The following PLOD2 variants were observed in gnomAD, a reference collection of about 807,000 sequenced individuals.
The protein encoded by PLOD2 is lysine hydroxylase 2.
Under a neutral mutation model 101.0 loss-of-function variants are expected in PLOD2, and 65 were observed. The ratio of observed to expected loss-of-function variants is 0.64; its 90% confidence interval spans 0.53 to 0.79. The LOEUF is 0.79. Among genes scored for constraint, PLOD2 ranks in the 30% least tolerant of loss-of-function variants. The pLI, the probability that PLOD2 is intolerant of heterozygous loss-of-function variation, is 0.00. For synonymous variants in PLOD2, 314 were observed against 302.9 expected, an observed-to-expected ratio of 1.04 and a Z score of -0.38; for missense variants, 909 against 914.6, an observed-to-expected ratio of 0.99 and a Z score of 0.08.
chr3:146,103,826 TACACACACACACACACACACACAC>T (rs3059069), intron 6 of PLOD2, among the ~76,000 whole-genome samples: 6 of 146,506 alleles, frequency 4.1e-5, no homozygotes, highest in African/African-American at 1.0e-4. Flanking sequence ...CACGAGCATG[TACACACACACACACACACACACAC>T]ACACACACAC....
At chr3:146,119,807 G>A (rs886813302) in intron 3 of PLOD2, among the ~76,000 whole-genome samples, 5 of 152,166 alleles carry the variant, frequency 3.3e-5, no homozygotes, top group African/African-American at 1.2e-4. Flanking sequence ...ATTCCATGGT[G>A]TGTATGTGCC....
intron 1 of PLOD2, among the ~76,000 whole-genome samples, chr3:146,135,819 T>C (rs1184657041): frequency 6.6e-6 from 1 of 152,154 alleles, no homozygotes; most frequent in Non-Finnish European, 1.5e-5. Context: ...TATAATATTC[T>C]GTTGTATGAA....
chr3:146,152,288 C>A (rs2032091634), intron 1 of PLOD2, among the ~76,000 whole-genome samples: 1 of 152,038 alleles, frequency 6.6e-6, no homozygotes, highest in African/African-American at 2.4e-5. Context: ...GCCGTGGTGG[C>A]ACGCACCTGT....
intron 14 of PLOD2, 74 bp from the exon 15 acceptor site, chr3:146,076,969 T>C (rs1936368199): frequency 3.1e-6 from 4 of 1,278,134 alleles, no homozygotes; most frequent in South Asian, 2.8e-5. Context: ...GAAAAATATA[T>C]AGAAGATATT....
intron 7 of PLOD2, among the ~76,000 whole-genome samples, chr3:146,094,028 T>C (rs1451764610): frequency 1.3e-5 from 2 of 152,172 alleles, no homozygotes; most frequent in Admixed American, 1.3e-4. Flanking sequence ...TTACATCTGT[T>C]TTCCTCATGA....
intron 7 of PLOD2, among the ~76,000 whole-genome samples, chr3:146,095,712 T>C (rs2108037782): frequency 6.6e-6 from 1 of 152,304 alleles, no homozygotes; most frequent in Non-Finnish European, 1.5e-5. Context: ...ACAGGGTATA[T>C]ATCCAAAGGA....
chr3:146,088,466 T>A (rs1936860797), intron 9 of PLOD2, 120 bp downstream of exon 9: 4 of 702,844 alleles, frequency 5.7e-6, no homozygotes. Flanking sequence ...GGGCTGTAAT[T>A]ACTCCAAAAA....
chr3:146,128,517 A>G (rs2030715886), intron 1 of PLOD2, among the ~76,000 whole-genome samples: 1 of 152,176 alleles, frequency 6.6e-6, no homozygotes, highest in Non-Finnish European at 1.5e-5. Context: ...TCATCTTTAC[A>G]TAATCCTCCA....
At chr3:146,137,032 T>G (rs1054242096) in intron 1 of PLOD2, among the ~76,000 whole-genome samples, 1 of 152,190 alleles carries the variant, frequency 6.6e-6, no homozygotes. Context: ...ATGAAGTTCT[T>G]TGGTTCCATT....
chr3:146,140,770 A>G (rs1430500347), intron 1 of PLOD2, among the ~76,000 whole-genome samples: 1 of 152,092 alleles, frequency 6.6e-6, no homozygotes, highest in Non-Finnish European at 1.5e-5. Flanking sequence ...AATTAAGCAA[A>G]GAATACCAAA....
chr3:146,156,923 A>G (rs926466678), intron 1 of PLOD2, among the ~76,000 whole-genome samples: 4 of 152,230 alleles, frequency 2.6e-5, no homozygotes, highest in African/African-American at 9.6e-5. Context: ...ACCAATAAAA[A>G]AAATTATGGC....
chr3:146,106,723 T>G, intron 4 of PLOD2, 79 bp from the exon 5 acceptor site: 1 of 785,886 alleles, frequency 1.3e-6, no homozygotes. Context: ...CACTGACCAG[T>G]TGAACAGAGT....
intron 15 of PLOD2, among the ~76,000 whole-genome samples, chr3:146,074,832 GGA>G (rs1324703919): frequency 6.6e-6 from 1 of 151,458 alleles, no homozygotes; most frequent in Non-Finnish European, 1.5e-5. Flanking sequence ...TCTGATAATG[GGA>G]TAATCAATAA....
At chr3:146,104,249 C>A in intron 6 of PLOD2, 30 bp downstream of exon 6, 3 of 1,369,676 alleles carry the variant, frequency 2.2e-6, no homozygotes, top group Non-Finnish European at 3.1e-6. Flanking sequence ...TGTTTGTATA[C>A]GTAAGCAATC....
At chr3:146,078,045 A>G in intron 13 of PLOD2, 121 bp from the exon 14 acceptor site, 2 of 742,754 alleles carry the variant, frequency 2.7e-6, no homozygotes, top group Non-Finnish European at 4.9e-6. Context: ...TGTCCTTCAT[A>G]GACAACATGC....
chr3:146,102,947 A>G, intron 6 of PLOD2, 95 bp from the exon 7 acceptor site: 1 of 695,548 alleles, frequency 1.4e-6, no homozygotes, highest in East Asian at 2.8e-5. Context: ...GTGTATCATC[A>G]TTACAAAATT....
chr3:146,113,173 A>G (rs1376301032), intron 3 of PLOD2, among the ~76,000 whole-genome samples: 1 of 152,206 alleles, frequency 6.6e-6, no homozygotes. Flanking sequence ...TATTATCTTT[A>G]TAACAAAACA....
intron 13 of PLOD2, 69 bp downstream of exon 13, chr3:146,079,047 T>G: frequency 6.7e-7 from 1 of 1,498,612 alleles, no homozygotes; most frequent in Non-Finnish European, 9.3e-7. Context: ...CAAAACACAG[T>G]GACACACCAA....
chr3:146,110,512 G>A, intron 3 of PLOD2, 64 bp from the exon 4 acceptor site: 1 of 1,340,092 alleles, frequency 7.5e-7, no homozygotes, highest in Non-Finnish European at 1.0e-6. Flanking sequence ...CATAAACCAT[G>A]AAAAGTTCTC....
Sources: gnomAD v4.1 joint callset for allele counts (sites outside exome capture counted in the v4.1 genomes callset) on GRCh38, gnomAD v4.1.1 for gene constraint, MANE v1.5 for transcripts, NCBI Gene and HGNC (gene_info 2026-07-23, HGNC 2026-07-21) for gene names.